The following PRPF38A variants were observed in gnomAD, a reference collection of about 807,000 sequenced individuals.
The protein encoded by PRPF38A is pre-mRNA-splicing factor 38A.
Under a neutral mutation model 46.8 loss-of-function variants are expected in PRPF38A, and 11 were observed. That is an observed-to-expected ratio of 0.24 (90% CI 0.15 to 0.39). The LOEUF (loss-of-function observed/expected upper bound fraction) is 0.39, where lower values mean the gene tolerates loss of function less well. Ranked by LOEUF, PRPF38A falls within the 10% of genes least tolerant of loss-of-function variation. The pLI, the probability that PRPF38A is intolerant of heterozygous loss-of-function variation, is 1.00. For missense variants in PRPF38A, 261 were observed against 407.5 expected (o/e 0.64, Z 3.10); for synonymous variants, 124 against 136.2 (o/e 0.91, Z 0.62).
chr1:52,412,159 T>C (rs1648164713), intron 4 of PRPF38A, among the ~76,000 whole-genome samples: 1 of 152,216 alleles, frequency 6.6e-6, no homozygotes, highest in Non-Finnish European at 1.5e-5. Flanking sequence ...CTAGGCCTCT[T>C]CTAGTGGAAC....
chr1:52,405,050 A>T (rs1037458776), intron 1 of PRPF38A, among the ~76,000 whole-genome samples, 171 bp downstream of exon 1: 1 of 152,210 alleles, frequency 6.6e-6, no homozygotes, highest in Non-Finnish European at 1.5e-5. Context: ...GTTGAGTATT[A>T]GAGGCACAGA....
chr1:52,408,638 G>A lies in PRPF38A; in HGVS notation c.360G>A (p.Leu120=), dbSNP rs1648067568. The A allele has an allele frequency of 5.0e-6, 8 of 1,614,058 alleles. No homozygotes were observed. Among genetic ancestry groups the A allele is most frequent in the Non-Finnish European group, 6.8e-6 (8 of 1,180,026 alleles). The change falls in exon 3 of 10, where the codon TTG becomes TTA. Residue 120 remains leucine, a synonymous_variant. Transcript: ENST00000257181. ...TGTAIDCYKY[L]EPLYNDYRKI... ...CTGCAATTGATTGCTACAAGTACTT[G>A]GAACCTTTGTACAATGACTATCGAA...
rs1426194483 is a variant in PRPF38A, at chr1:52,419,498, AAAG to A, written c.*2811_*2813del. On this transcript the variant is annotated 3_prime_UTR_variant, in exon 10 of 10. Transcript: ENST00000257181. ...GAAGTTTAAATAAGCATTATTTAGAAAAGAACGATCACAGATTGCCCACTCCCT... is the reference window on the plus strand; with the variant it reads ...GAAGTTTAAATAAGCATTATTTAGAAAACGATCACAGATTGCCCACTCCCT... 2.0e-5 allele frequency: 3 copies of A among 152,314 alleles called. No homozygotes were observed. The highest frequency in any genetic ancestry group is 2.4e-5 in the African/African-American group (1 of 41,576). 9.4% of individuals were successfully genotyped at this position (152,314 alleles called of 1,614,324 possible).
Position 52,404,608 on chromosome 1 carries a change from C to A in PRPF38A, c.-142C>A. 3.6e-6 allele frequency: 3 copies of A among 825,154 alleles called. No individual in the cohort carries two copies. Among genetic ancestry groups the A allele is most frequent in the Non-Finnish European group, 5.6e-6 (3 of 537,026 alleles). 51.1% of individuals were successfully genotyped at this position (825,154 alleles called of 1,614,324 possible). A position where few individuals can be genotyped will look rare whatever the true frequency, so the allele number is the denominator to read the frequency against. On this transcript the variant is annotated 5_prime_UTR_variant, in exon 1 of 10. Coordinates refer to ENST00000257181, the MANE Select transcript of PRPF38A (RefSeq NM_032864.4). ...CGGGGAGCGGAAGCCCTTTACACTA[C>A]GGTGTTTCCGGCTTCAAGATGGTCG...
chr1:52,408,711 C>T (rs773876192), intron 3 of PRPF38A, 21 bp downstream of exon 3: 4 of 1,610,512 alleles, frequency 2.5e-6, no homozygotes, highest in Non-Finnish European at 3.4e-6. Context: ...TGCTAAGTCT[C>T]CTGATTGTCA....
At chr1:52,414,472 A>G in intron 6 of PRPF38A, 149 bp from the exon 7 acceptor site, 1 of 764,118 alleles carries the variant, frequency 1.3e-6, no homozygotes, top group Non-Finnish European at 2.2e-6. Context: ...TAAAGTTAGA[A>G]TGGGAGGGTG....
chr1:52,416,496 A>T lies in PRPF38A; in HGVS notation c.897-152A>T, dbSNP rs573893338. The T allele has an allele frequency of 3.8e-5, 21 of 557,720 alleles. No individual in the cohort carries two copies. The Admixed American group carries it at 6.4e-4, about 17-fold the overall frequency. 34.5% of individuals were successfully genotyped at this position (557,720 alleles called of 1,614,324 possible). A position where few individuals can be genotyped will look rare whatever the true frequency, so the allele number is the denominator to read the frequency against. On this transcript the variant is annotated intron_variant, in intron 9 of 9. Transcript: ENST00000257181. ...GCTAATTTTTGTACTTTTAGTAGAG[A>T]CAGGGTTTCACCATGTTGGCCAGGC... is the stretch of plus-strand genomic sequence containing the variant.
At chr1:52,410,471 A>G (rs1054241318) in intron 3 of PRPF38A, among the ~76,000 whole-genome samples, 10 of 150,546 alleles carry the variant, frequency 6.6e-5, no homozygotes, top group African/African-American at 2.4e-4. Context: ...GTATATATAT[A>G]TATACACACA....
At chr1:52,411,298 T>A in intron 4 of PRPF38A, 98 bp downstream of exon 4, 1 of 789,266 alleles carries the variant, frequency 1.3e-6, no homozygotes, top group Non-Finnish European at 2.1e-6. Context: ...AGCCTGTGGA[T>A]CTTATGGGTC....
chr1:52,415,169 T>C (rs1648253933), intron 8 of PRPF38A, among the ~76,000 whole-genome samples, 169 bp from the exon 9 acceptor site: 1 of 152,254 alleles, frequency 6.6e-6, no homozygotes, highest in African/African-American at 2.4e-5. Context: ...TCATTACTAC[T>C]TTCTTTGCTC....
At position 52,418,561 on chromosome 1, in the gene PRPF38A, T is replaced by C. The variant is rs895574446; in HGVS notation, c.*1871T>C. 1 of 152,226 alleles carries C rather than the reference T, an allele frequency of 6.6e-6. No individual in the cohort carries two copies. Among genetic ancestry groups the C allele is most frequent in the Non-Finnish European group, 1.5e-5 (1 of 68,042 alleles). The allele number at this position is 152,226 out of a possible 1,614,324, so 9.4% of individuals were successfully genotyped here. ...ATTAAAACATACTTGTTTAGACATA[T>C]GGTAATATGTGGACCAAAATTGAGG... On this transcript the variant is annotated 3_prime_UTR_variant, in exon 10 of 10. Coordinates refer to ENST00000257181, the MANE Select transcript of PRPF38A (RefSeq NM_032864.4).
rs138728154 is a variant in PRPF38A at position 52,406,019 on chromosome 1, C to T, written c.290+180C>T. On this transcript the variant is annotated intron_variant, in intron 2 of 9. Transcript: ENST00000257181. ...GTTTTTTGTTTTGGAAACAGAGTCT[C>T]TCTGTGTTGCCCAGGCTGGAGTGCA... Among the ~76,000 whole-genome samples, 646 of 152,274 alleles carry T rather than the reference C, an allele frequency of 4.2e-3. 16 individuals are homozygous for T. In the East Asian group the frequency reaches 0.044, roughly 10 times the overall value.
chr1:52,410,769 T>G (rs1648128992), intron 3 of PRPF38A, among the ~76,000 whole-genome samples: 1 of 152,238 alleles, frequency 6.6e-6, no homozygotes. Context: ...CCCAAAGTGC[T>G]GGGATTACAG....
At chr1:52,405,592 A>G in intron 1 of PRPF38A, 88 bp from the exon 2 acceptor site, 2 of 1,220,248 alleles carry the variant, frequency 1.6e-6, no homozygotes, top group East Asian at 4.7e-5. Flanking sequence ...GTTGATGTAT[A>G]TTTAGGAGAA....
Position 52,408,439 on chromosome 1 carries a change from T to C in PRPF38A, c.291-130T>C, listed in dbSNP as rs1648060517. On this transcript the variant is annotated intron_variant, in intron 2 of 9. Transcript: ENST00000257181. ...TGTCTTTCTTCTGCTGCATTCTACC[T>C]CCACAATTGCAGCTTTCTTACCTGC... 3 of 1,236,646 alleles carry C rather than the reference T, an allele frequency of 2.4e-6. No homozygotes were observed. In the South Asian group the frequency reaches 3.6e-5, roughly 15 times the overall value. The allele number at this position is 1,236,646 out of a possible 1,614,324, so 76.6% of individuals were successfully genotyped here. A position where few individuals can be genotyped will look rare whatever the true frequency, so the allele number is the denominator to read the frequency against.
rs1426504151 is a variant in PRPF38A, at chr1:52,413,996, A to C, written c.722+5A>C. ...TAGGAGCCGGTCTCCCAGAAGGTAA[A>C]GCCTAGTCATTGGCCTTTTCCCAGA... is the stretch of plus-strand genomic sequence containing the variant. On this transcript the variant is annotated splice_donor_5th_base_variant and intron_variant, in intron 6 of 9. Transcript: ENST00000257181. The C allele has an allele frequency of 6.3e-7, 1 of 1,591,102 alleles. No individual in the cohort carries two copies. Among genetic ancestry groups the C allele is most frequent in the Admixed American group, 1.7e-5 (1 of 59,774 alleles).
At chr1:52,408,832 GTC>G in intron 3 of PRPF38A, 142 bp downstream of exon 3, 1 of 1,059,770 alleles carries the variant, frequency 9.4e-7, no homozygotes, top group Non-Finnish European at 1.3e-6. Context: ...GTTTTCCCTT[GTC>G]CCTCATGGGA....
chr1:52,411,902 GTTC>G (rs529193183), intron 4 of PRPF38A, among the ~76,000 whole-genome samples: 162 of 152,268 alleles, frequency 1.1e-3, no homozygotes, highest in Non-Finnish European at 1.8e-3. Context: ...TGCCCAGGCT[GTTC>G]TTAAACTCCT....
chr1:52,408,874 G>A (rs1244508095), intron 3 of PRPF38A, 184 bp downstream of exon 3: 2 of 603,870 alleles, frequency 3.3e-6, no homozygotes, highest in Non-Finnish European at 2.7e-6. Flanking sequence ...GCTTCGTGTT[G>A]GCCTTACCCA....
Sources: gnomAD v4.1 joint callset for allele counts (sites outside exome capture counted in the v4.1 genomes callset) on GRCh38, gnomAD v4.1.1 for gene constraint, MANE v1.5 for transcripts, NCBI Gene and HGNC (gene_info 2026-07-23, HGNC 2026-07-21) for gene names.